NEK7: variants seen among roughly 807,000 people sequenced by gnomAD.
The protein encoded by NEK7 is NIMA related kinase 7.
Under a neutral mutation model 44.6 loss-of-function variants are expected in NEK7, and 18 were observed. That is an observed-to-expected ratio of 0.40 (90% CI 0.28 to 0.60). The LOEUF (loss-of-function observed/expected upper bound fraction) is 0.60, where lower values mean the gene tolerates loss of function less well. Ranked by LOEUF, NEK7 falls within the 20% of genes least tolerant of loss-of-function variation. The pLI, the probability that NEK7 is intolerant of heterozygous loss-of-function variation, is 0.38. For missense variants in NEK7, 256 were observed against 366.5 expected, an observed-to-expected ratio of 0.70 and a Z score of 2.46; for synonymous variants, 130 against 121.1, an observed-to-expected ratio of 1.07 and a Z score of -0.48.
At chr1:198,268,441 T>G (rs1430624254) in intron 5 of NEK7, among the ~76,000 whole-genome samples, 3 of 152,040 alleles carry the variant, frequency 2.0e-5, no homozygotes, top group Admixed American at 1.3e-4. Flanking sequence ...CAGATTCTGT[T>G]TATTTTTTCT....
At chr1:198,199,731 A>C (rs1359787080) in intron 1 of NEK7, among the ~76,000 whole-genome samples, 2 of 152,122 alleles carry the variant, frequency 1.3e-5, no homozygotes, top group African/African-American at 4.8e-5. Flanking sequence ...TACTTTGTCT[A>C]ATATAAATAA....
chr1:198,163,801 G>A (rs1224409446), intron 1 of NEK7, among the ~76,000 whole-genome samples: 2 of 152,102 alleles, frequency 1.3e-5, no homozygotes, highest in Non-Finnish European at 2.9e-5. Flanking sequence ...GGTAGGTGTG[G>A]TATTCAGTGA....
intron 1 of NEK7, among the ~76,000 whole-genome samples, chr1:198,210,709 A>AT (rs1665737213): frequency 1.1e-5 from 1 of 87,532 alleles, no homozygotes; most frequent in East Asian, 3.7e-4. Flanking sequence ...TATCAACTGT[A>AT]TTATATGTCA....
intron 7 of NEK7, among the ~76,000 whole-genome samples, 153 bp from the exon 8 acceptor site, chr1:198,292,792 T>G (rs1432118773): frequency 6.6e-6 from 1 of 151,976 alleles, no homozygotes; most frequent in Non-Finnish European, 1.5e-5. Flanking sequence ...AAGAAGAAAT[T>G]AAAAAGTTTT....
At chr1:198,301,534 A>G (rs886813420) in intron 9 of NEK7, among the ~76,000 whole-genome samples, 4 of 152,258 alleles carry the variant, frequency 2.6e-5, no homozygotes, top group Non-Finnish European at 2.9e-5. Flanking sequence ...TGGGCGACAG[A>G]GCAAGACTCC....
chr1:198,169,674 CAT>C (rs1664378584), intron 1 of NEK7, among the ~76,000 whole-genome samples: 2 of 151,472 alleles, frequency 1.3e-5, no homozygotes, highest in South Asian at 2.1e-4. Context: ...GTCCATTTTC[CAT>C]ATGTCACTGT....
chr1:198,174,139 A>T (rs1664531514), intron 1 of NEK7, among the ~76,000 whole-genome samples: 1 of 152,220 alleles, frequency 6.6e-6, no homozygotes, highest in Non-Finnish European at 1.5e-5. Flanking sequence ...AGCATAGTTC[A>T]GTTCTGAGAT....
chr1:198,173,430 T>TAA (rs77952432), intron 1 of NEK7, among the ~76,000 whole-genome samples: 4 of 137,274 alleles, frequency 2.9e-5, no homozygotes, highest in Non-Finnish European at 3.2e-5. Context: ...CTCTGTCTTT[T>TAA]AAAAAAAAAA....
intron 2 of NEK7, among the ~76,000 whole-genome samples, chr1:198,247,098 T>C (rs563829140): frequency 6.6e-6 from 1 of 152,358 alleles, no homozygotes; most frequent in African/African-American, 2.4e-5. Flanking sequence ...TTTTGTCACA[T>C]TGACACTTAA....
intron 4 of NEK7, 39 bp downstream of exon 4, chr1:198,262,676 G>C: frequency 8.4e-7 from 1 of 1,183,824 alleles, no homozygotes; most frequent in Non-Finnish European, 1.2e-6. Flanking sequence ...ACATAACATG[G>C]TGATAAAAGT....
chr1:198,206,483 AT>A (rs1665601492), intron 1 of NEK7, among the ~76,000 whole-genome samples: 1 of 152,190 alleles, frequency 6.6e-6, no homozygotes, highest in Non-Finnish European at 1.5e-5. Context: ...AAAATAAAAA[AT>A]ATTAATCCTG....
intron 1 of NEK7, among the ~76,000 whole-genome samples, chr1:198,212,720 G>A (rs1665810969): frequency 6.6e-6 from 1 of 152,162 alleles, no homozygotes; most frequent in Admixed American, 6.5e-5. Context: ...AAATACCAGA[G>A]TACCACCCCA....
At chr1:198,193,356 A>G (rs1665134267) in intron 1 of NEK7, among the ~76,000 whole-genome samples, 1 of 152,106 alleles carries the variant, frequency 6.6e-6, no homozygotes, top group Admixed American at 6.5e-5. Context: ...CCAGACAGAT[A>G]TACAGCTGAA....
intron 3 of NEK7, among the ~76,000 whole-genome samples, chr1:198,262,261 T>C (rs1653500464): frequency 6.6e-6 from 1 of 151,976 alleles, no homozygotes; most frequent in Non-Finnish European, 1.5e-5. Flanking sequence ...ATATATTAAT[T>C]GCTCAACATA....
intron 1 of NEK7, among the ~76,000 whole-genome samples, chr1:198,162,016 G>T (rs112877604): frequency 6.6e-4 from 101 of 152,028 alleles, no homozygotes; most frequent in Non-Finnish European, 1.0e-3. Context: ...ACTCTCCCCC[G>T]CCCCAGTAAA....
At chr1:198,196,771 T>C (rs2102780595) in intron 1 of NEK7, among the ~76,000 whole-genome samples, 1 of 152,346 alleles carries the variant, frequency 6.6e-6, no homozygotes, top group Admixed American at 6.5e-5. Flanking sequence ...GTCCAGGTTA[T>C]GTGGTTAAGT....
chr1:198,177,204 C>G (rs1351246627), intron 1 of NEK7, among the ~76,000 whole-genome samples: 2 of 152,238 alleles, frequency 1.3e-5, no homozygotes, highest in Non-Finnish European at 1.5e-5. Context: ...TTACTTCAAG[C>G]AAGTACTATA....
intron 1 of NEK7, among the ~76,000 whole-genome samples, chr1:198,167,661 G>A (rs1664307429): frequency 6.6e-6 from 1 of 152,076 alleles, no homozygotes; most frequent in Non-Finnish European, 1.5e-5. Flanking sequence ...CTCCTGAGGT[G>A]TTTTTTTGCA....
rs558216425 is a variant in NEK7, at chr1:198,228,045, A to G, written c.-28-4508A>G. 4.3e-3 allele frequency among the ~76,000 whole-genome samples: 658 copies of G among 152,268 alleles called. 6 individuals carry two copies. The highest frequency in any genetic ancestry group is 0.015 in the African/African-American group (627 of 41,542). On this transcript the variant is annotated intron_variant, in intron 1 of 9. Coordinates refer to ENST00000367385, the MANE Select transcript of NEK7 (RefSeq NM_133494.3). Reference sequence around the variant, plus strand: ...TAATCCATCTTGAATTAATTTTTGTATAAGGTGTAAGGAAGGGATCCAGTT... The same window carrying G: ...TAATCCATCTTGAATTAATTTTTGTGTAAGGTGTAAGGAAGGGATCCAGTT...
Sources: gnomAD v4.1 joint callset for allele counts (sites outside exome capture counted in the v4.1 genomes callset) on GRCh38, gnomAD v4.1.1 for gene constraint, MANE v1.5 for transcripts, NCBI Gene and HGNC (gene_info 2026-07-23, HGNC 2026-07-21) for gene names.